Variants in HK1 observed in about 807,000 individuals in gnomAD.
HK1 encodes hexokinase 1.
A neutral mutation model predicts 91.6 loss-of-function variants in HK1; 28 were observed. That is an observed-to-expected ratio of 0.31 (90% CI 0.23 to 0.42). The LOEUF is 0.42. Ranked by LOEUF, HK1 falls within the 10% of genes least tolerant of loss-of-function variation. The probability of loss-of-function intolerance (pLI) is 1.00; values close to 1 mark genes in which losing one functional copy is unlikely to be tolerated. For synonymous variants in HK1, 430 were observed against 468.1 expected (o/e 0.92, Z 1.05); for missense variants, 770 against 1,219.8 (o/e 0.63, Z 5.49).
intron 5 of HK1, among the ~76,000 whole-genome samples, chr10:69,309,918 C>T (rs566110529): frequency 5.4e-5 from 8 of 147,760 alleles, no homozygotes; most frequent in East Asian, 2.0e-4. Flanking sequence ...GGTGTTGTGG[C>T]GCATGCCTGT....
chr10:69,314,647 T>C (rs185666787), upstream of HK1, among the ~76,000 whole-genome samples: 1 of 149,870 alleles, frequency 6.7e-6, no homozygotes, highest in Non-Finnish European at 1.5e-5. Context: ...TTCCTTTTCT[T>C]TTCTCTTCTC....
At chr10:69,285,971 T>C (rs1009695561) in intron 2 of HK1, among the ~76,000 whole-genome samples, 3 of 152,144 alleles carry the variant, frequency 2.0e-5, no homozygotes, top group African/African-American at 7.2e-5. Flanking sequence ...GATAGCATAA[T>C]CTTCTCTGTC....
chr10:69,279,551 C>A (rs78792424), intron 1 of HK1, among the ~76,000 whole-genome samples: 1 of 152,062 alleles, frequency 6.6e-6, no homozygotes. Context: ...ATATGTAGAT[C>A]GAATGTTTGA....
intron 14 of HK1, among the ~76,000 whole-genome samples, chr10:69,390,729 T>C (rs1867976): frequency 0.72 from 109,302 of 152,084 alleles, 39,695 homozygotes; most frequent in African/African-American, 0.81. Context: ...ATGGTGCTCC[T>C]GGGCGCATCA....
At chr10:69,393,590 C>G (rs1433024069) in intron 15 of HK1, among the ~76,000 whole-genome samples, 1 of 152,246 alleles carries the variant, frequency 6.6e-6, no homozygotes, top group African/African-American at 2.4e-5. Flanking sequence ...AGCCACCGTG[C>G]CCAGTGGCCT....
intron 1 of HK1, among the ~76,000 whole-genome samples, chr10:69,325,162 C>T (rs542962912): frequency 6.6e-4 from 99 of 150,312 alleles, no homozygotes; most frequent in African/African-American, 2.3e-3. Context: ...CGCCATTCTC[C>T]TGCCTCAGCC....
chr10:69,286,689 C>G (rs989215847), intron 2 of HK1, among the ~76,000 whole-genome samples: 7 of 152,044 alleles, frequency 4.6e-5, no homozygotes, highest in Non-Finnish European at 2.9e-5. Context: ...GCTGGGATTA[C>G]AGGCATGTGC....
At chr10:69,276,867 G>A (rs61868717) in intron 1 of HK1, among the ~76,000 whole-genome samples, 2,761 of 150,988 alleles carry the variant, frequency 0.018, 32 homozygotes, top group Middle Eastern at 0.031. Context: ...GGATGGAAGC[G>A]AAGGATTGAT....
intron 3 of HK1, among the ~76,000 whole-genome samples, chr10:69,363,270 G>GTA (rs951528273): frequency 3.3e-5 from 5 of 152,190 alleles, no homozygotes; most frequent in Admixed American, 1.3e-4. Flanking sequence ...TGCCAAAAGT[G>GTA]TATATATATA....
chr10:69,308,237 G>T (rs1846195541), intron 5 of HK1, among the ~76,000 whole-genome samples: 1 of 152,120 alleles, frequency 6.6e-6, no homozygotes, highest in African/African-American at 2.4e-5. Context: ...TGTGTGTGTG[G>T]GGATGGTTTC....
chr10:69,298,633 GA>G (rs35104096), intron 4 of HK1, among the ~76,000 whole-genome samples: 88,849 of 150,060 alleles, frequency 0.59, 27,283 homozygotes, highest in Non-Finnish European at 0.69. Flanking sequence ...CTCTTAAAAG[GA>G]AAAAAAAAAG....
At chr10:69,277,672 G>C (rs1454397658) in intron 1 of HK1, among the ~76,000 whole-genome samples, 2 of 152,032 alleles carry the variant, frequency 1.3e-5, no homozygotes, top group African/African-American at 2.4e-5. Context: ...TCCATCTTTT[G>C]TATTTTTGTA....
At chr10:69,387,509 A>T (rs1026328508) in intron 13 of HK1, among the ~76,000 whole-genome samples, 1 of 150,672 alleles carries the variant, frequency 6.6e-6, no homozygotes, top group Non-Finnish European at 1.5e-5. Context: ...CTGGTCTCCA[A>T]CTCCTGGGCT....
intron 5 of HK1, among the ~76,000 whole-genome samples, chr10:69,308,373 A>G (rs1305950334): frequency 6.6e-6 from 1 of 152,182 alleles, no homozygotes; most frequent in Non-Finnish European, 1.5e-5. Context: ...CTCCTGTCTC[A>G]AGAGCCGAGC....
chr10:69,275,471 A>G (rs918479117), intron 1 of HK1, among the ~76,000 whole-genome samples: 9 of 152,144 alleles, frequency 5.9e-5, no homozygotes, highest in Admixed American at 1.3e-4. Context: ...ATTTTAACTT[A>G]ATTATATGTT....
At chr10:69,274,951 G>A (rs991626209) in intron 1 of HK1, among the ~76,000 whole-genome samples, 5 of 152,108 alleles carry the variant, frequency 3.3e-5, no homozygotes, top group African/African-American at 1.2e-4. Flanking sequence ...CCTCATAGAG[G>A]AAAGCAGTCA....
intron 4 of HK1, among the ~76,000 whole-genome samples, chr10:69,365,632 C>T (rs1849661162): frequency 6.6e-6 from 1 of 152,074 alleles, no homozygotes; most frequent in Non-Finnish European, 1.5e-5. Context: ...AATCCCAGCA[C>T]TTTGGGAGGC....
intron 1 of HK1, among the ~76,000 whole-genome samples, chr10:69,273,885 A>C (rs1844308461): frequency 6.6e-6 from 1 of 152,294 alleles, no homozygotes; most frequent in African/African-American, 2.4e-5. Flanking sequence ...AATTACAAAA[A>C]TCATCTTAAA....
chr10:69,302,379 ATTT>A (rs61340732), intron 5 of HK1, among the ~76,000 whole-genome samples: 2 of 139,566 alleles, frequency 1.4e-5, no homozygotes, highest in Admixed American at 7.2e-5. Context: ...TGGTATAATG[ATTT>A]TTTTTTTTTT....
Sources: gnomAD v4.1 joint callset for allele counts (sites outside exome capture counted in the v4.1 genomes callset) on GRCh38, gnomAD v4.1.1 for gene constraint, MANE v1.5 for transcripts, NCBI Gene and HGNC (gene_info 2026-07-23, HGNC 2026-07-21) for gene names.